ADAM12: variants seen among roughly 807,000 people sequenced by gnomAD.
ADAM12 encodes the protein ADAM metallopeptidase domain 12.
ADAM12 carries 70 observed loss-of-function variants against 106.4 expected under a neutral mutation model. The ratio of observed to expected loss-of-function variants is 0.66; its 90% confidence interval spans 0.54 to 0.80. ADAM12 has a LOEUF of 0.80. Among genes scored for constraint, ADAM12 ranks in the 30% least tolerant of loss-of-function variants. The probability of loss-of-function intolerance (pLI) is 0.00; values close to 1 mark genes in which losing one functional copy is unlikely to be tolerated. For synonymous variants in ADAM12, 420 were observed against 433.5 expected (o/e 0.97, Z 0.39); for missense variants, 1,010 against 1,171.9 (o/e 0.86, Z 2.02).
intron 12 of ADAM12, among the ~76,000 whole-genome samples, chr10:126,069,649 T>C (rs2133493043): frequency 6.6e-6 from 1 of 152,230 alleles, no homozygotes; most frequent in Middle Eastern, 3.4e-3. Flanking sequence ...GGGATAATGA[T>C]AGGGGTGGGG....
chr10:126,168,223 G>C (rs552074691), intron 3 of ADAM12, among the ~76,000 whole-genome samples: 74 of 152,306 alleles, frequency 4.9e-4, no homozygotes, highest in Non-Finnish European at 5.0e-4. Context: ...AGTATCTGCA[G>C]AATGTTTGGG....
intron 3 of ADAM12, among the ~76,000 whole-genome samples, chr10:126,175,830 T>C (rs1957210491): frequency 6.6e-6 from 1 of 152,132 alleles, no homozygotes; most frequent in South Asian, 2.1e-4. Context: ...GGGGAAAGGC[T>C]CTCCCTTACC....
Position 126,135,567 on chromosome 10 carries a change from TG to T in ADAM12, c.416+16del, listed in dbSNP as rs1279173382. ...AGATGGCTGAAGACTAGAGCCGCCA[TG>T]GTCATGGCCACTTACCTGAGACCAG... On this transcript the variant is annotated intron_variant, in intron 5 of 22. Coordinates refer to ENST00000448723, the MANE Select transcript of ADAM12 (RefSeq NM_001288973.2). 1 of 1,612,526 alleles carries T rather than the reference TG, an allele frequency of 6.2e-7. No homozygotes were observed. Among genetic ancestry groups the T allele is most frequent in the African/African-American group, 1.3e-5 (1 of 74,998 alleles).
At chr10:126,138,685 T>G (rs1347548696) in intron 4 of ADAM12, among the ~76,000 whole-genome samples, 1 of 152,178 alleles carries the variant, frequency 6.6e-6, no homozygotes. Context: ...CCCTTTTACT[T>G]TCTTGATTGT....
intron 2 of ADAM12, among the ~76,000 whole-genome samples, chr10:126,318,244 T>A (rs929253605): frequency 6.6e-6 from 1 of 151,514 alleles, no homozygotes; most frequent in Non-Finnish European, 1.5e-5. Context: ...TCACACACAC[T>A]CTCACACATT....
At chr10:126,174,003 T>C (rs1238212734) in intron 3 of ADAM12, among the ~76,000 whole-genome samples, 1 of 147,202 alleles carries the variant, frequency 6.8e-6, no homozygotes, top group Non-Finnish European at 1.5e-5. Context: ...ATTCATCTGT[T>C]GTTGATTTTT....
At chr10:126,311,530 C>T (rs1235015326) in intron 2 of ADAM12, among the ~76,000 whole-genome samples, 1 of 151,984 alleles carries the variant, frequency 6.6e-6, no homozygotes, top group Non-Finnish European at 1.5e-5. Context: ...TCTTGGTGGG[C>T]TCCTGGATGG....
At chr10:126,200,784 T>C (rs905645921) in intron 3 of ADAM12, among the ~76,000 whole-genome samples, 1 of 145,784 alleles carries the variant, frequency 6.9e-6, no homozygotes, top group Non-Finnish European at 1.5e-5. Context: ...TCTCCAAGAC[T>C]CTAGAGAAAG....
At chr10:126,067,216 A>C (rs1954889176) in intron 12 of ADAM12, among the ~76,000 whole-genome samples, 1 of 152,252 alleles carries the variant, frequency 6.6e-6, no homozygotes, top group Admixed American at 6.5e-5. Flanking sequence ...TACAATCTGT[A>C]CTCTTCAAAA....
chr10:126,276,433 G>A (rs1959248930), intron 3 of ADAM12, among the ~76,000 whole-genome samples: 1 of 152,166 alleles, frequency 6.6e-6, no homozygotes, highest in South Asian at 2.1e-4. Context: ...TTACATGCTA[G>A]TAGTGCACAA....
intron 3 of ADAM12, among the ~76,000 whole-genome samples, chr10:126,168,676 GT>G (rs984415599): frequency 2.0e-5 from 3 of 152,156 alleles, no homozygotes; most frequent in Admixed American, 6.5e-5. Context: ...CCAGTGTGAA[GT>G]TTTTAAAACG....
chr10:126,262,501 CA>C (rs747305294), intron 3 of ADAM12, among the ~76,000 whole-genome samples: 1 of 152,112 alleles, frequency 6.6e-6, no homozygotes, highest in Non-Finnish European at 1.5e-5. Flanking sequence ...CAAATGTGTT[CA>C]AAAAGAGCAG....
chr10:126,232,615 C>T (rs576879693), intron 3 of ADAM12, among the ~76,000 whole-genome samples: 1 of 152,342 alleles, frequency 6.6e-6, no homozygotes, highest in South Asian at 2.1e-4. Context: ...TCTCAACTGA[C>T]ACCTGCACTG....
intron 18 of ADAM12, among the ~76,000 whole-genome samples, chr10:126,041,117 C>T (rs1318589746): frequency 1.3e-5 from 2 of 152,168 alleles, no homozygotes; most frequent in African/African-American, 2.4e-5. Context: ...GTGGGGGTTG[C>T]TCCCCTCCCA....
chr10:126,372,195 G>T (rs1856133707), intron 1 of ADAM12, among the ~76,000 whole-genome samples: 1 of 152,170 alleles, frequency 6.6e-6, no homozygotes, highest in African/African-American at 2.4e-5. Flanking sequence ...TGAGCAGAAG[G>T]GGACGGTGGC....
chr10:126,193,997 A>C (rs1242905628), intron 3 of ADAM12, among the ~76,000 whole-genome samples: 2 of 152,068 alleles, frequency 1.3e-5, no homozygotes, highest in Non-Finnish European at 2.9e-5. Context: ...GTTGATTTGG[A>C]AACAGAGAGA....
chr10:126,101,036 C>CA, intron 9 of ADAM12, 36 bp downstream of exon 9: 1 of 1,309,476 alleles, frequency 7.6e-7, no homozygotes, highest in Non-Finnish European at 1.0e-6. Context: ...GAGAGCACTC[C>CA]TTTTTTTTTT....
intron 1 of ADAM12, among the ~76,000 whole-genome samples, chr10:126,344,380 T>A (rs1256970173): frequency 3.9e-5 from 6 of 151,950 alleles, no homozygotes; most frequent in Non-Finnish European, 7.4e-5. Flanking sequence ...CCATTGGTCT[T>A]TATCTCTGTT....
intron 3 of ADAM12, among the ~76,000 whole-genome samples, chr10:126,245,965 T>C (rs61117436): frequency 0.38 from 57,158 of 151,744 alleles, 11,191 homozygotes; most frequent in East Asian, 0.48. Context: ...AATGGATGGA[T>C]GAACAGATAG....
Sources: gnomAD v4.1 joint callset for allele counts (sites outside exome capture counted in the v4.1 genomes callset) on GRCh38, gnomAD v4.1.1 for gene constraint, MANE v1.5 for transcripts, NCBI Gene and HGNC (gene_info 2026-07-23, HGNC 2026-07-21) for gene names.